Variants in IGSF10 observed in about 807,000 individuals in gnomAD.
IGSF10 encodes the protein calvaria mechanical force protein 608.
IGSF10 carries 126 observed loss-of-function variants against 128.2 expected under a neutral mutation model. The observed-to-expected ratio is 0.98, with a 90% CI of 0.85 to 1.14. The LOEUF is 1.14. IGSF10 is among the 50% of genes most tolerant of loss of function. IGSF10 has a pLI of 0.00. For synonymous variants in IGSF10, 1,185 were observed against 1,146.2 expected (o/e 1.03, Z -0.68); for missense variants, 3,295 against 3,149.8 (o/e 1.05, Z -1.10).
the IGSF10 span, among the ~76,000 whole-genome samples, chr3:151,605,070 A>G: frequency 6.6e-6 from 1 of 152,188 alleles, no homozygotes; most frequent in Non-Finnish European, 1.5e-5. Context: ...TAGTAATACT[A>G]GACAGCATTC....
chr3:151,591,056 T>C, the IGSF10 span, among the ~76,000 whole-genome samples: 2 of 151,342 alleles, frequency 1.3e-5, no homozygotes, highest in African/African-American at 4.9e-5. Context: ...GTGGAAGAGA[T>C]GTGAAATGAA....
At chr3:151,554,791 G>A in the IGSF10 span, among the ~76,000 whole-genome samples, 2 of 152,238 alleles carry the variant, frequency 1.3e-5, 1 homozygote, top group East Asian at 3.9e-4. Flanking sequence ...TGCCTCTGGA[G>A]TTTCAGTGAA....
At chr3:151,458,487 G>C (rs1429202366) in intron 3 of IGSF10, 29 bp downstream of exon 3, 16 of 1,543,284 alleles carry the variant, frequency 1.0e-5, no homozygotes, top group Non-Finnish European at 1.4e-5. Flanking sequence ...ATCCCTCTTT[G>C]AGAAGAGGAA....
chr3:151,507,477 T>C, the IGSF10 span, among the ~76,000 whole-genome samples: 2 of 152,208 alleles, frequency 1.3e-5, no homozygotes. Flanking sequence ...AATCTCATCC[T>C]GCTATAAAGG....
In IGSF10 at chr3:151,446,015, A is replaced by T. The variant is rs757251451; in HGVS notation, c.3966T>A (p.Thr1322=). 4.3e-6 allele frequency: 7 copies of T among 1,613,756 alleles called. No homozygotes were observed. The highest frequency in any genetic ancestry group is 2.2e-5 in the South Asian group (2 of 91,072). The change falls in exon 6 of 8, where the codon ACT becomes ACA. Residue 1322 remains threonine, a synonymous_variant. Coordinates refer to ENST00000282466, the MANE Select transcript of IGSF10 (RefSeq NM_178822.5). ...TGATGACAGATGCAGGGAAGGTAGG[A>T]GTTGTTGCTGGTATTGCTGTTTGCG... The part of the protein sequence containing the change: ...ISTQTAIPAT[T]PTFPASVITY...
At chr3:151,519,757 G>A in the IGSF10 span, among the ~76,000 whole-genome samples, 5 of 151,792 alleles carry the variant, frequency 3.3e-5, no homozygotes, top group African/African-American at 1.2e-4. Flanking sequence ...GATTGCTACT[G>A]TACTGTGAAT....
the IGSF10 span, among the ~76,000 whole-genome samples, chr3:151,492,694 G>T: frequency 6.6e-6 from 1 of 151,974 alleles, no homozygotes; most frequent in Non-Finnish European, 1.5e-5. Context: ...CTCCAGCCTG[G>T]GTGACAGTAC....
At chr3:151,574,382 A>G in the IGSF10 span, among the ~76,000 whole-genome samples, 2 of 152,170 alleles carry the variant, frequency 1.3e-5, no homozygotes, top group African/African-American at 2.4e-5. Flanking sequence ...GTCTTTTCAC[A>G]TAGTCCCATA....
At chr3:151,580,917 C>T in the IGSF10 span, among the ~76,000 whole-genome samples, 648 of 151,986 alleles carry the variant, frequency 4.3e-3, 1 homozygote, top group African/African-American at 0.014. Context: ...CTTCTCATGA[C>T]ACCCAAATTC....
chr3:151,447,913 G>T lies in IGSF10; in HGVS notation c.2068C>A (p.Leu690Ile), dbSNP rs200312019. The T allele has an allele frequency of 2.3e-4, 374 of 1,613,986 alleles. No homozygotes were observed. Among genetic ancestry groups the T allele is most frequent in the Non-Finnish European group, 3.0e-4 (353 of 1,180,022 alleles). ...GLDESNPIAH[L>I]KEPPGAQLRT... Reference sequence around the variant, plus strand: ...AGTTGTGCACCTGGTGGCTCCTTAAGATGAGCAATAGGATTGGACTCATCA... The same window carrying T: ...AGTTGTGCACCTGGTGGCTCCTTAATATGAGCAATAGGATTGGACTCATCA... The change falls in exon 6 of 8, where the codon CTT becomes ATT. Residue 690 changes from leucine to isoleucine, a missense_variant. Physicochemically the swap from Leu to Ile is conservative, Grantham distance 5. Transcript: ENST00000282466.
intron 4 of IGSF10, among the ~76,000 whole-genome samples, chr3:151,456,401 T>G (rs1351703226): frequency 6.6e-6 from 1 of 152,230 alleles, no homozygotes; most frequent in African/African-American, 2.4e-5. Context: ...CTGAACAGTT[T>G]AAGTTTTAAT....
At chr3:151,609,435 T>C in the IGSF10 span, among the ~76,000 whole-genome samples, 4 of 152,268 alleles carry the variant, frequency 2.6e-5, no homozygotes, top group South Asian at 8.3e-4. Context: ...TGGTTCCCTT[T>C]GTAAGTGATC....
At chr3:151,470,461 C>T in the IGSF10 span, among the ~76,000 whole-genome samples, 1 of 151,492 alleles carries the variant, frequency 6.6e-6, no homozygotes, top group African/African-American at 2.5e-5. Flanking sequence ...CCAATTTTTT[C>T]CTTAATAGCT....
the IGSF10 span, among the ~76,000 whole-genome samples, chr3:151,522,277 G>C: frequency 6.8e-4 from 104 of 152,168 alleles, 1 homozygote; most frequent in African/African-American, 2.5e-3. Context: ...CAAAGAGCTG[G>C]TATCATTCCT....
the IGSF10 span, among the ~76,000 whole-genome samples, chr3:151,474,990 G>C: frequency 2.0e-5 from 3 of 152,138 alleles, no homozygotes; most frequent in Non-Finnish European, 1.5e-5. Context: ...TTTAGGTGGG[G>C]ACACAGCCAA....
In IGSF10 at chr3:151,449,295, T is replaced by C. The variant is rs751584685; in HGVS notation, c.716-30A>G. On this transcript the variant is annotated intron_variant, in intron 5 of 7. Transcript: ENST00000282466. ...AAAAAAATCACAATTGAATTATCAG[T>C]TGTGACCTCTTTATGAATTGACACA... The C allele has an allele frequency of 6.6e-6, 10 of 1,516,400 alleles. No homozygotes were observed. The Admixed American group carries it at 1.3e-4, about 20-fold the overall frequency. The allele number at this position is 1,516,400 out of a possible 1,614,324, so 93.9% of individuals were successfully genotyped here. A position where few individuals can be genotyped will look rare whatever the true frequency, so the allele number is the denominator to read the frequency against.
the IGSF10 span, among the ~76,000 whole-genome samples, chr3:151,481,870 C>T: frequency 6.6e-6 from 1 of 152,166 alleles, no homozygotes; most frequent in African/African-American, 2.4e-5. Context: ...ATAACTTATA[C>T]AGCTACTGTC....
At chr3:151,461,120 G>A, upstream of IGSF10, 10 of 985,378 alleles carry the variant, frequency 1.0e-5, no homozygotes, top group Non-Finnish European at 9.6e-6. Context: ...CGCGGCCGGG[G>A]CTCAGCAGCA....
chr3:151,596,141 A>C, the IGSF10 span, among the ~76,000 whole-genome samples: 2 of 152,200 alleles, frequency 1.3e-5, no homozygotes, highest in Non-Finnish European at 2.9e-5. Context: ...GAATGGTTCA[A>C]TGGGCTTTGC....
Sources: allele counts gnomAD v4.1 joint callset (sites outside exome capture counted in the v4.1 genomes callset), GRCh38; gene constraint gnomAD v4.1.1; transcripts MANE v1.5; gene names NCBI Gene and HGNC (gene_info 2026-07-23, HGNC 2026-07-21).